CDYL2: variants seen among roughly 807,000 people sequenced by gnomAD.
The protein encoded by CDYL2 is chromodomain Y-like protein 2.
In CDYL2, 23 loss-of-function variants were observed where a neutral mutation model predicts 49.4. The ratio of observed to expected loss-of-function variants is 0.47; its 90% confidence interval spans 0.34 to 0.66. The LOEUF (loss-of-function observed/expected upper bound fraction) is 0.66, where lower values mean the gene tolerates loss of function less well. Among genes scored for constraint, CDYL2 ranks in the 30% least tolerant of loss-of-function variants. The probability of loss-of-function intolerance (pLI) is 0.01; values close to 1 mark genes in which losing one functional copy is unlikely to be tolerated. For synonymous variants in CDYL2, 360 were observed against 268.8 expected (o/e 1.34, Z -3.32); for missense variants, 678 against 656.4 (o/e 1.03, Z -0.36).
chr16:80,723,493 G>A (rs1488146669), intron 1 of CDYL2, among the ~76,000 whole-genome samples: 2 of 152,150 alleles, frequency 1.3e-5, no homozygotes, highest in Non-Finnish European at 2.9e-5. Context: ...CTCTCCAAGT[G>A]TCAGCCTCAC....
intron 1 of CDYL2, among the ~76,000 whole-genome samples, chr16:80,802,152 G>A (rs1183215650): frequency 1.3e-5 from 2 of 151,932 alleles, no homozygotes; most frequent in African/African-American, 4.8e-5. Context: ...CGTTAAGGAG[G>A]GCAGTTGCAG....
chr16:80,645,187 T>A (rs1045928133), intron 2 of CDYL2, among the ~76,000 whole-genome samples: 1 of 152,098 alleles, frequency 6.6e-6, no homozygotes, highest in African/African-American at 2.4e-5. Context: ...GAAACTACCA[T>A]CAGAGTGAAC....
chr16:80,749,082 C>T (rs1302861674), intron 1 of CDYL2, among the ~76,000 whole-genome samples: 1 of 151,954 alleles, frequency 6.6e-6, no homozygotes, highest in African/African-American at 2.4e-5. Context: ...TATAGCAAAA[C>T]AGAGCTAAAG....
At chr16:80,718,249 G>C (rs1452504) in intron 1 of CDYL2, among the ~76,000 whole-genome samples, 1 of 152,034 alleles carries the variant, frequency 6.6e-6, no homozygotes, top group Non-Finnish European at 1.5e-5. Context: ...CCAATTTGAA[G>C]TAAAATATTA....
rs2142363507 is a variant in CDYL2, at chr16:80,610,937, C to G, written c.1218+1689G>C. Among the ~76,000 whole-genome samples, 2 of 152,264 alleles carry G rather than the reference C, an allele frequency of 1.3e-5. 1 individual carries two copies. The highest frequency in any genetic ancestry group is 3.9e-4 in the East Asian group (2 of 5,158). ...AAGGCCCAGCACCCTCCCCGGCATG[C>G]CAGGCTCGCAGGGGCCACTCCACGC... On this transcript the variant is annotated intron_variant, in intron 5 of 6. Coordinates refer to ENST00000570137, the MANE Select transcript of CDYL2 (RefSeq NM_152342.4).
chr16:80,753,183 T>C lies in CDYL2; in HGVS notation c.24+50967A>G, dbSNP rs143189201. On this transcript the variant is annotated intron_variant, in intron 1 of 6. Coordinates refer to ENST00000570137, the MANE Select transcript of CDYL2 (RefSeq NM_152342.4). ...TCAAAGAAACAGAAACACACATAAA[T>C]GGTCAATAATTTATTAGAAAGAGGA... Among the ~76,000 whole-genome samples the C allele has an allele frequency of 3.6e-3, 545 of 151,738 alleles. 8 individuals are homozygous for C. The highest frequency in any genetic ancestry group is 0.013 in the African/African-American group (521 of 41,360).
chr16:80,631,100 G>A (rs574534453), intron 3 of CDYL2, among the ~76,000 whole-genome samples: 1 of 152,328 alleles, frequency 6.6e-6, no homozygotes, highest in East Asian at 1.9e-4. Flanking sequence ...AGAGACAAAA[G>A]GGCGAGCAAG....
chr16:80,649,041 T>C (rs1178526141), intron 2 of CDYL2, among the ~76,000 whole-genome samples: 3 of 152,148 alleles, frequency 2.0e-5, no homozygotes, highest in Non-Finnish European at 2.9e-5. Flanking sequence ...TCCTGCTGAA[T>C]GGGGAAAAAC....
At chr16:80,719,180 C>T (rs1169535210) in intron 1 of CDYL2, among the ~76,000 whole-genome samples, 3 of 152,160 alleles carry the variant, frequency 2.0e-5, no homozygotes, top group African/African-American at 7.2e-5. Flanking sequence ...GACACAGTCA[C>T]TGACCCCCGT....
intron 2 of CDYL2, among the ~76,000 whole-genome samples, chr16:80,648,986 T>A (rs894830627): frequency 1.3e-5 from 2 of 152,054 alleles, no homozygotes; most frequent in Non-Finnish European, 2.9e-5. Context: ...ATAGAAGGAA[T>A]ATACCTCAAC....
At chr16:80,785,673 G>A (rs1438969171) in intron 1 of CDYL2, among the ~76,000 whole-genome samples, 1 of 152,128 alleles carries the variant, frequency 6.6e-6, no homozygotes, top group Non-Finnish European at 1.5e-5. Flanking sequence ...GGAGCAAGAA[G>A]AACAAAGCTG....
At chr16:80,759,150 A>ATATATATATATATGGTATATATAT (rs1211358459) in intron 1 of CDYL2, among the ~76,000 whole-genome samples, 1 of 80,838 alleles carries the variant, frequency 1.2e-5, no homozygotes, top group African/African-American at 5.0e-5. Context: ...GGTTTATATA[A>ATATATATATATATGGTATATATAT]ATATATGGTT....
chr16:80,720,283 C>T (rs561379555), intron 1 of CDYL2, among the ~76,000 whole-genome samples: 9 of 152,110 alleles, frequency 5.9e-5, no homozygotes, highest in Admixed American at 1.3e-4. Context: ...CTATAGTCAT[C>T]GGCACTCTAA....
intron 1 of CDYL2, among the ~76,000 whole-genome samples, chr16:80,755,029 G>T (rs28430636): frequency 6.6e-6 from 1 of 152,126 alleles, no homozygotes; most frequent in East Asian, 1.9e-4. Flanking sequence ...GCAGGTGCTT[G>T]GGAGCCAAAT....
chr16:80,614,356 T>C lies in CDYL2; in HGVS notation c.1008-1520A>G, dbSNP rs1034028439. 6.6e-5 allele frequency among the ~76,000 whole-genome samples: 10 copies of C among 152,134 alleles called. No homozygotes were observed. In the South Asian group the frequency reaches 2.1e-3, roughly 32 times the overall value. On this transcript the variant is annotated intron_variant, in intron 4 of 6. Transcript: ENST00000570137. ...ACCACTTCCAGGTGCACATCAAACCTCCCACCATGGCGTCCTCCAAGCCCA... is the reference window on the plus strand; with the variant it reads ...ACCACTTCCAGGTGCACATCAAACCCCCCACCATGGCGTCCTCCAAGCCCA...
intron 1 of CDYL2, among the ~76,000 whole-genome samples, chr16:80,772,688 T>C (rs892147139): frequency 2.1e-4 from 32 of 152,102 alleles, no homozygotes; most frequent in African/African-American, 7.2e-4. Context: ...CCTGACCTCA[T>C]GATCCACCCA....
intron 2 of CDYL2, among the ~76,000 whole-genome samples, chr16:80,656,717 G>A (rs1908829141): frequency 6.6e-6 from 1 of 152,148 alleles, no homozygotes; most frequent in Non-Finnish European, 1.5e-5. Context: ...AATACAAAAG[G>A]AGAGAGTCAA....
intron 3 of CDYL2, chr16:80,632,703 C>A (rs539284253): frequency 1.7e-4 from 55 of 319,862 alleles, no homozygotes; most frequent in Non-Finnish European, 2.4e-4. Context: ...CAAAGTTTAG[C>A]TGGAAAAGCC....
intron 2 of CDYL2, among the ~76,000 whole-genome samples, chr16:80,673,044 G>T (rs1199189725): frequency 6.6e-6 from 1 of 151,964 alleles, no homozygotes; most frequent in East Asian, 1.9e-4. Context: ...GAGGCCGGGC[G>T]TGGTGGCTCA....
Sources: gnomAD v4.1 joint callset for allele counts (sites outside exome capture counted in the v4.1 genomes callset) on GRCh38, gnomAD v4.1.1 for gene constraint, MANE v1.5 for transcripts, NCBI Gene and HGNC (gene_info 2026-07-23, HGNC 2026-07-21) for gene names.